BLOC1S3: variants seen among roughly 807,000 people sequenced by gnomAD.
BLOC1S3 encodes biogenesis of lysosomal organelles complex 1 subunit 3, also known as biogenesis of lysosome-related organelles complex 1 subunit 3.
A neutral mutation model predicts 9.1 loss-of-function variants in BLOC1S3; 7 were observed. The ratio of observed to expected loss-of-function variants is 0.77; its 90% CI spans 0.44 to 1.45. The LOEUF (loss-of-function observed/expected upper bound fraction) is 1.45, where lower values mean the gene tolerates loss of function less well. Among genes scored for constraint, BLOC1S3 ranks in the 40% most tolerant of loss-of-function variants. The pLI, the probability that BLOC1S3 is intolerant of heterozygous loss-of-function variation, is 0.01. For synonymous variants in BLOC1S3, 145 were observed against 158.4 expected, an observed-to-expected ratio of 0.92 and a Z score of 0.64; for missense variants, 307 against 315.2, an observed-to-expected ratio of 0.97 and a Z score of 0.20.
intron 3 of BLOC1S3, among the ~76,000 whole-genome samples, chr19:45,204,628 G>C (rs1270553123): frequency 1.3e-5 from 2 of 152,192 alleles, no homozygotes; most frequent in Non-Finnish European, 2.9e-5. Context: ...AGTTGGGATG[G>C]CTAGATCAGC....
Position 45,198,233 on chromosome 19 carries a change from C to A in BLOC1S3, n.181-4173C>A, listed in dbSNP as rs992415391. Among the ~76,000 whole-genome samples the A allele has an allele frequency of 2.0e-5, 3 of 152,108 alleles. No individual in the cohort carries two copies. The East Asian group carries it at 5.8e-4, about 29-fold the overall frequency. On this transcript the variant is annotated intron_variant and non_coding_transcript_variant, in intron 2 of 3. Coordinates refer to the BLOC1S3 transcript ENST00000591569. Reference sequence around the variant, plus strand: ...AAACTTCTTTCTTCCAGTTTTCATGCAATTTTCTCCTTTGGCCAACTCTAA... The same window carrying A: ...AAACTTCTTTCTTCCAGTTTTCATGAAATTTTCTCCTTTGGCCAACTCTAA...
At chr19:45,212,460 G>C (rs1040236161) in intron 3 of BLOC1S3, among the ~76,000 whole-genome samples, 1 of 152,102 alleles carries the variant, frequency 6.6e-6, no homozygotes, top group Non-Finnish European at 1.5e-5. Flanking sequence ...GGAAAGGGGC[G>C]GGGGAGCTGG....
rs778016560 is a variant in BLOC1S3, at chr19:45,179,354, G to C, written c.58G>C (p.Gly20Arg). ...GCGGAGGCCGGAGACGGTGGTGCCGGGGGAGGCGACCGAGACGGATTCCGA... is the reference window on the plus strand; with the variant it reads ...GCGGAGGCCGGAGACGGTGGTGCCGCGGGAGGCGACCGAGACGGATTCCGA... ...PLRRPETVVP[G>R]EATETDSERS... Residue 20 changes from glycine to arginine, a missense_variant, in exon 2 of 2, where the codon GGG (glycine) becomes CGG (arginine). Physicochemically the swap from Gly to Arg is moderately radical, Grantham distance 125. Coordinates refer to ENST00000433642, the MANE Select transcript of BLOC1S3 (RefSeq NM_212550.5). This position sits in a 1 kb window ranked among gnomAD's most constrained non-coding sequence, Gnocchi z 4.6. The C allele has an allele frequency of 9.5e-6, 15 of 1,586,506 alleles. No homozygotes were observed. The highest frequency in any genetic ancestry group is 1.4e-5 in the African/African-American group (1 of 73,352).
intron 2 of BLOC1S3, among the ~76,000 whole-genome samples, chr19:45,193,889 T>A (rs1275763222): frequency 1.1e-5 from 1 of 87,572 alleles, no homozygotes; most frequent in Non-Finnish European, 2.1e-5. Context: ...TGCAAGCTCC[T>A]CCTCCCAGGT....
At chr19:45,207,345 C>CTGG (rs1969734677) in intron 3 of BLOC1S3, among the ~76,000 whole-genome samples, 1 of 151,370 alleles carries the variant, frequency 6.6e-6, no homozygotes, top group African/African-American at 2.4e-5. Context: ...GTTGGCCAGG[C>CTGG]TGGTCTCAAA....
rs141042866 is a variant in BLOC1S3 at position 45,205,449 on chromosome 19, G to A, written n.282+2942G>A. On this transcript the variant is annotated intron_variant and non_coding_transcript_variant, in intron 3 of 3. Transcript: ENST00000591569. ...CAAAGTGCAGGGATTACAGGCGTGAGCCCTGCACCTGGCCAAAATACACTT... is the reference window on the plus strand; with the variant it reads ...CAAAGTGCAGGGATTACAGGCGTGAACCCTGCACCTGGCCAAAATACACTT... Among the ~76,000 whole-genome samples, 79 of 152,280 alleles carry A rather than the reference G, an allele frequency of 5.2e-4. 3 individuals are homozygous for A. In the East Asian group the frequency reaches 0.014, roughly 28 times the overall value.
At chr19:45,195,450 G>C (rs996084224) in intron 2 of BLOC1S3, among the ~76,000 whole-genome samples, 9 of 151,438 alleles carry the variant, frequency 5.9e-5, no homozygotes, top group African/African-American at 1.9e-4. Flanking sequence ...CAAGTGATCC[G>C]CCCACTTTGG....
chr19:45,210,803 G>T (rs1488506857), intron 3 of BLOC1S3, among the ~76,000 whole-genome samples: 2 of 152,116 alleles, frequency 1.3e-5, no homozygotes, highest in Non-Finnish European at 2.9e-5. Flanking sequence ...AAAGTACATT[G>T]ACAAACTGAG....
intron 3 of BLOC1S3, among the ~76,000 whole-genome samples, chr19:45,204,274 C>T (rs8105818): frequency 0.22 from 32,871 of 148,424 alleles, 4,145 homozygotes; most frequent in East Asian, 0.36. Context: ...CTGCAAACCT[C>T]CGCCTCCTGG....
At chr19:45,184,801 G>A (rs550237113), downstream of BLOC1S3, among the ~76,000 whole-genome samples, 1 of 150,908 alleles carries the variant, frequency 6.6e-6, no homozygotes, top group South Asian at 2.1e-4. Flanking sequence ...TCGGGAGGCT[G>A]AGGCAGGAGA....
At chr19:45,182,783 G>C (rs996496381), downstream of BLOC1S3, among the ~76,000 whole-genome samples, 3 of 152,098 alleles carry the variant, frequency 2.0e-5, no homozygotes, top group Non-Finnish European at 4.4e-5. Context: ...CTCCCAAAGG[G>C]CTAGGATTAC....
chr19:45,189,296 A>G (rs1183246305), intron 2 of BLOC1S3, among the ~76,000 whole-genome samples: 1 of 152,220 alleles, frequency 6.6e-6, no homozygotes, highest in Non-Finnish European at 1.5e-5. Context: ...CTGGGATTAC[A>G]AGTATGTGCC....
rs751663787 is a variant in BLOC1S3, at chr19:45,213,187, C to A, written n.283-3489C>A. 5 of 1,605,838 alleles carry A rather than the reference C, an allele frequency of 3.1e-6. No homozygotes were observed. Among genetic ancestry groups the A allele is most frequent in the African/African-American group, 1.3e-5 (1 of 74,600 alleles). Reference sequence around the variant, plus strand: ...GCCCAGGAAGAGAGGGAGGCTGAGACAGAAAGATGGGCGGGGCACAGGGAT... The same window carrying A: ...GCCCAGGAAGAGAGGGAGGCTGAGAAAGAAAGATGGGCGGGGCACAGGGAT... On this transcript the variant is annotated intron_variant and non_coding_transcript_variant, in intron 3 of 3. Transcript: ENST00000591569.
chr19:45,183,851 G>A (rs571317010), downstream of BLOC1S3, among the ~76,000 whole-genome samples: 2 of 151,854 alleles, frequency 1.3e-5, no homozygotes, highest in African/African-American at 4.8e-5. Flanking sequence ...TGGCCAGGCT[G>A]GTCTCAAACT....
chr19:45,186,416 G>A (rs866045286), downstream of BLOC1S3, among the ~76,000 whole-genome samples: 1 of 151,998 alleles, frequency 6.6e-6, no homozygotes, highest in African/African-American at 2.4e-5. Flanking sequence ...TCCTACCTCG[G>A]CCTCCTAAAG....
In BLOC1S3 at chr19:45,179,855, C is replaced by T; in HGVS notation, c.559C>T (p.Arg187Cys). The T allele has an allele frequency of 1.2e-6, 2 of 1,609,622 alleles. No individual in the cohort carries two copies. Among genetic ancestry groups the T allele is most frequent in the East Asian group, 2.3e-5 (1 of 44,398 alleles). ...TGGCTGCCGCCTGCTGCCGGACATC[C>T]GCGGCGTGCCAGGGACCGAGCCTGA... ...VAGCRLLPDI[R>C]GVPGTEPEKD... is the part of the protein sequence containing the mutation. Residue 187 changes from arginine to cysteine, a missense_variant, in exon 2 of 2, where the codon CGC (arginine) becomes TGC (cysteine). Physicochemically the swap from Arg to Cys is radical, Grantham distance 180 (BLOSUM62 -3). Transcript: ENST00000433642. This position sits in a 1 kb window ranked among gnomAD's most constrained non-coding sequence, Gnocchi z 4.6.
intron 2 of BLOC1S3, among the ~76,000 whole-genome samples, chr19:45,201,272 C>G (rs1969688968): frequency 6.6e-6 from 1 of 151,994 alleles, no homozygotes; most frequent in Non-Finnish European, 1.5e-5. Flanking sequence ...GGAGAATTCC[C>G]TAAATTACCA....
rs115302949 is a variant in BLOC1S3, at chr19:45,216,045, G to A, written n.283-631G>A. ...CCAGGAGACCTCGGCCAGGCACGGCGAGCCCTGGCCCAGGCGGGGTGTCTC... is the reference window on the plus strand; with the variant it reads ...CCAGGAGACCTCGGCCAGGCACGGCAAGCCCTGGCCCAGGCGGGGTGTCTC... On this transcript the variant is annotated intron_variant and non_coding_transcript_variant, in intron 3 of 3. Coordinates refer to the BLOC1S3 transcript ENST00000591569. The A allele has an allele frequency of 3.3e-3, 5,283 of 1,611,110 alleles. 148 individuals are homozygous for A. The African/African-American group carries it at 0.061, about 18-fold the overall frequency.
chr19:45,181,866 A>C (rs967273934), downstream of BLOC1S3: 1 of 166,196 alleles, frequency 6.0e-6, no homozygotes, highest in Non-Finnish European at 1.5e-5. Context: ...TTTCTCTGAG[A>C]ATGGGGGTCC....
Sources: gnomAD v4.1 joint callset for allele counts (sites outside exome capture counted in the v4.1 genomes callset) on GRCh38, gnomAD v4.1.1 for gene constraint, Gnocchi (gnomAD v3.1) non-coding constraint, MANE v1.5 for transcripts, NCBI Gene and HGNC (gene_info 2026-07-23, HGNC 2026-07-21) for gene names.